CCNK: variants seen among roughly 807,000 people sequenced by gnomAD.
The protein encoded by CCNK is cyclin-K.
In CCNK, 9 loss-of-function variants were observed where a neutral mutation model predicts 65.0. That is an observed-to-expected ratio of 0.14 (90% CI 0.08 to 0.24). The LOEUF is 0.24. CCNK is among the 10% of genes least tolerant of loss of function. The pLI is 1.00. For synonymous variants in CCNK, 279 were observed against 270.8 expected (o/e 1.03, Z -0.30); for missense variants, 474 against 720.0 (o/e 0.66, Z 3.91).
At position 99,502,350 on chromosome 14, in the gene CCNK, A is replaced by G; in HGVS notation, c.719A>G (p.Gln240Arg). Residue 240 changes from glutamine to arginine, a missense_variant, in exon 7 of 11, where the codon CAA becomes CGA. Gln to Arg is a conservative substitution (Grantham distance 43). This residue lies in a region of CCNK where 67 missense variants were observed against 150.2 expected (regional missense o/e 0.45). Transcript: ENST00000389879. ...AGGAGATGGTGGGAGCAGTTTGTTC[A>G]AGATGTCCCGGTCGACGTTTTGGAA... ...MYRRWWEQFV[Q>R]DVPVDVLEDI... 1 of 1,613,780 alleles carries G rather than the reference A, an allele frequency of 6.2e-7. No homozygotes were observed. The highest frequency in any genetic ancestry group is 8.5e-7 in the Non-Finnish European group (1 of 1,179,822).
At position 99,502,243 on chromosome 14, in the gene CCNK, G is replaced by T; in HGVS notation, c.612G>T (p.Glu204Asp). 6.2e-7 allele frequency: 1 copy of T among 1,603,336 alleles called. No individual in the cohort carries two copies. Among genetic ancestry groups the T allele is most frequent in the South Asian group, 1.1e-5 (1 of 88,998 alleles). ...CCTTGTCACTGCAGTGGGAACCAGA[G>T]ATCATAGCAGTAGCAGTGATGTATC... ...CTTLSLQWEP[E>D]IIAVAVMYLA... is the part of the protein sequence containing the mutation. Residue 204 changes from glutamate to aspartate, a missense_variant, in exon 7 of 11, where the codon GAG (glutamate) becomes GAT (aspartate). This residue lies in a region of CCNK where 67 missense variants were observed against 150.2 expected (regional missense o/e 0.45). Coordinates refer to ENST00000389879, the MANE Select transcript of CCNK (RefSeq NM_001099402.2).
chr14:99,488,943 C>T (rs1475707587), intron 1 of CCNK, among the ~76,000 whole-genome samples: 1 of 148,518 alleles, frequency 6.7e-6, no homozygotes, highest in Admixed American at 6.7e-5. Context: ...GCAAATCATT[C>T]CTTCAGCAGT....
chr14:99,488,289 AAAAG>A (rs1031432500), intron 1 of CCNK, among the ~76,000 whole-genome samples: 36 of 152,202 alleles, frequency 2.4e-4, no homozygotes, highest in African/African-American at 7.9e-4. Context: ...AAAAAAAAAA[AAAAG>A]CAGGATCTAA....
intron 4 of CCNK, among the ~76,000 whole-genome samples, chr14:99,497,042 T>G: frequency 7.5e-6 from 1 of 132,610 alleles, no homozygotes; most frequent in Non-Finnish European, 1.6e-5. Flanking sequence ...ATTTTCAGCA[T>G]CCCCCCGACC....
chr14:99,501,887 A>T, intron 6 of CCNK: 1 of 241,740 alleles, frequency 4.1e-6, no homozygotes, highest in Non-Finnish European at 7.9e-6. Context: ...CCTCCATAAG[A>T]TTTCATTTGA....
intron 6 of CCNK, chr14:99,501,655 AT>A: frequency 1.9e-6 from 1 of 519,760 alleles, no homozygotes; most frequent in Non-Finnish European, 3.4e-6. Flanking sequence ...AGTCTGAAAC[AT>A]AAGTCCAAAA....
At chr14:99,499,671 G>A (rs1896778599) in intron 4 of CCNK, among the ~76,000 whole-genome samples, 1 of 152,136 alleles carries the variant, frequency 6.6e-6, no homozygotes, top group Non-Finnish European at 1.5e-5. Flanking sequence ...GGCTGTACAG[G>A]GGCTGAGTTC....
At chr14:99,506,450 C>T (rs1187031143) in intron 9 of CCNK, 8 of 152,826 alleles carry the variant, frequency 5.2e-5, no homozygotes, top group African/African-American at 1.9e-4. Flanking sequence ...CGCTGCCTGA[C>T]CCCGGAAGGG....
At chr14:99,503,448 T>C in intron 8 of CCNK, 163 bp from the exon 9 acceptor site, 1 of 621,304 alleles carries the variant, frequency 1.6e-6, no homozygotes, top group Non-Finnish European at 2.9e-6. Flanking sequence ...GATGATCTGG[T>C]AGGTGCCGTG....
chr14:99,510,751 G>A lies in CCNK; in HGVS notation c.1712G>A (p.Gly571Glu). ...CCCCCACCCGGCATGCCTCCAGTTG[G>A]GGGGCTGGGGCGGGCAGCCTGGATG... The part of the protein sequence containing the change: ...PIPPPGMPPV[G>E]GLGRAAWMR Residue 571 changes from glycine (G) to glutamate (E), a missense_variant, in exon 11 of 11, where the codon GGG becomes GAG. By Grantham distance (98) the Gly-to-Glu change is moderately conservative. Around this residue, in one of 6 missense-constraint regions of CCNK, gnomAD observed 53 missense variants for 91.4 expected, o/e 0.58. Transcript: ENST00000389879. The A allele has an allele frequency of 1.4e-6, 2 of 1,456,694 alleles. No homozygotes were observed. The highest frequency in any genetic ancestry group is 1.8e-6 in the Non-Finnish European group (2 of 1,105,620). 90.2% of individuals were successfully genotyped at this position (1,456,694 alleles called of 1,614,324 possible). A position where few individuals can be genotyped will look rare whatever the true frequency, so the allele number is the denominator to read the frequency against.
At chr14:99,502,172 A>G (rs764774529) in intron 6 of CCNK, 35 bp from the exon 7 acceptor site, 2 of 1,540,790 alleles carry the variant, frequency 1.3e-6, no homozygotes, top group South Asian at 1.2e-5. Context: ...ATATTAGATC[A>G]TATTATCTAA....
intron 7 of CCNK, 77 bp from the exon 8 acceptor site, chr14:99,502,642 T>C: frequency 2.1e-6 from 3 of 1,411,806 alleles, no homozygotes; most frequent in Non-Finnish European, 3.0e-6. Flanking sequence ...AGGGGTATCA[T>C]AACTGATTCT....
chr14:99,493,184 C>G lies in CCNK; in HGVS notation c.197+310C>G, dbSNP rs1452639555. ...TTGGGAGGCCTAGACAGGAGCATCC[C>G]TTGAAATCTGGAGTTCGAGACCAAC... On this transcript the variant is annotated intron_variant, in intron 2 of 10. Coordinates refer to ENST00000389879, the MANE Select transcript of CCNK (RefSeq NM_001099402.2). The G allele has an allele frequency of 7.0e-6, 3 of 429,448 alleles. No individual in the cohort carries two copies. In the Admixed American group the frequency reaches 1.2e-4, roughly 18 times the overall value. 26.6% of individuals were successfully genotyped at this position (429,448 alleles called of 1,614,324 possible).
At chr14:99,494,398 A>G (rs1896657102) in intron 3 of CCNK, 2 of 152,252 alleles carry the variant, frequency 1.3e-5, no homozygotes, top group South Asian at 4.1e-4. Context: ...ACAATGCAGT[A>G]ATTAAAAGGT....
In CCNK at chr14:99,510,182, C is replaced by G. The variant is rs1443902021; in HGVS notation, c.1143C>G (p.Ala381=). ...PPDRKPPLAA[A]LGEAEPPGPV... ...ACCGGAAGCCTCCCCTCGCTGCTGC[C>G]TTAGGTGAGGCTGAGCCGCCGGGCC... Residue 381 remains alanine, a synonymous_variant, in exon 11 of 11, where the codon GCC becomes GCG. Transcript: ENST00000389879. The G allele has an allele frequency of 6.3e-7, 1 of 1,599,374 alleles. No homozygotes were observed. Among genetic ancestry groups the G allele is most frequent in the Admixed American group, 1.7e-5 (1 of 59,002 alleles).
intron 3 of CCNK, chr14:99,494,659 A>C (rs931522998): frequency 6.6e-6 from 1 of 152,262 alleles, no homozygotes; most frequent in African/African-American, 2.4e-5. Context: ...TTCAGACCCC[A>C]GTGATATAGG....
At chr14:99,494,603 T>A (rs1256434645) in intron 3 of CCNK, 4 of 152,122 alleles carry the variant, frequency 2.6e-5, no homozygotes, top group African/African-American at 9.7e-5. Flanking sequence ...GAGAGTGGCA[T>A]GTAGGAAGGA....
chr14:99,491,569 T>C (rs1213620962), intron 1 of CCNK, among the ~76,000 whole-genome samples: 7 of 136,948 alleles, frequency 5.1e-5, no homozygotes, highest in Non-Finnish European at 3.3e-5. Flanking sequence ...AAATTATTAG[T>C]TCAAGCTTTT....
chr14:99,502,596 G>T, intron 7 of CCNK, 123 bp from the exon 8 acceptor site: 2 of 1,205,992 alleles, frequency 1.7e-6, no homozygotes, highest in Non-Finnish European at 1.2e-6. Context: ...CGAAGATGGG[G>T]TGAGTTGTAA....
Sources: gnomAD v4.1 joint callset for allele counts (sites outside exome capture counted in the v4.1 genomes callset) on GRCh38, gnomAD v4.1.1 for gene constraint, gnomAD v4.1.1 regional missense constraint, MANE v1.5 for transcripts, NCBI Gene and HGNC (gene_info 2026-07-23, HGNC 2026-07-21) for gene names.